The following SAMD5 variants were observed in gnomAD, a reference collection of about 807,000 sequenced individuals.
The protein encoded by SAMD5 is sterile alpha motif domain-containing protein 5.
Under a neutral mutation model 11.3 loss-of-function variants are expected in SAMD5, and 13 were observed. That is an observed-to-expected ratio of 1.15 (90% CI 0.75 to 1.83). The LOEUF (loss-of-function observed/expected upper bound fraction) is 1.83, where lower values mean the gene tolerates loss of function less well. Among genes scored for constraint, SAMD5 ranks in the 40% most tolerant of loss-of-function variants. The probability of loss-of-function intolerance (pLI) is 0.00; values close to 1 mark genes in which losing one functional copy is unlikely to be tolerated. For missense variants in SAMD5, 255 were observed against 239.1 expected, an observed-to-expected ratio of 1.07 and a Z score of -0.44; for synonymous variants, 129 against 111.3, an observed-to-expected ratio of 1.16 and a Z score of -1.00.
intron 1 of SAMD5, among the ~76,000 whole-genome samples, chr6:147,623,030 A>T (rs769506980): frequency 6.6e-6 from 1 of 152,198 alleles, no homozygotes; most frequent in Non-Finnish European, 1.5e-5. Context: ...CCCTCCCACA[A>T]CACATGGGAA....
At chr6:147,617,349 T>G (rs1309978108) in intron 1 of SAMD5, among the ~76,000 whole-genome samples, 2 of 152,202 alleles carry the variant, frequency 1.3e-5, no homozygotes, top group Admixed American at 1.3e-4. Context: ...CTGGCCTCCA[T>G]GCCCTTGGGC....
At chr6:147,793,655 A>G in the SAMD5 span, among the ~76,000 whole-genome samples, 7 of 152,174 alleles carry the variant, frequency 4.6e-5, no homozygotes, top group African/African-American at 1.4e-4. Context: ...ATTGGTACCT[A>G]TTTAGGCTGT....
chr6:147,703,926 T>C (rs946614380), intron 1 of SAMD5, among the ~76,000 whole-genome samples: 5 of 152,188 alleles, frequency 3.3e-5, no homozygotes, highest in Admixed American at 6.5e-5. Context: ...GACGGATTCT[T>C]GCTCTGACGC....
intron 1 of SAMD5, among the ~76,000 whole-genome samples, chr6:147,586,865 T>G: frequency 6.6e-6 from 1 of 152,196 alleles, no homozygotes; most frequent in Non-Finnish European, 1.5e-5. Context: ...TGATATGTTA[T>G]AAAATAAAAT....
At chr6:147,763,023 G>C in the SAMD5 span, among the ~76,000 whole-genome samples, 11 of 152,078 alleles carry the variant, frequency 7.2e-5, no homozygotes, top group African/African-American at 2.7e-4. Flanking sequence ...TTTAAAAAAA[G>C]CTTGAGAAAT....
chr6:147,703,278 G>T (rs1791280875), intron 1 of SAMD5, among the ~76,000 whole-genome samples: 1 of 152,056 alleles, frequency 6.6e-6, no homozygotes, highest in Non-Finnish European at 1.5e-5. Context: ...ATGTTGGTTG[G>T]CCAGGCTGGT....
the SAMD5 span, among the ~76,000 whole-genome samples, chr6:147,749,413 C>T: frequency 6.6e-6 from 1 of 152,128 alleles, no homozygotes; most frequent in African/African-American, 2.4e-5. Flanking sequence ...CGTGGTCCAC[C>T]CACCTTGGCC....
At chr6:147,670,478 A>G (rs1790779731) in intron 1 of SAMD5, among the ~76,000 whole-genome samples, 1 of 152,238 alleles carries the variant, frequency 6.6e-6, no homozygotes, top group Non-Finnish European at 1.5e-5. Context: ...CTTCCAATAG[A>G]AGGCTGCTTC....
intron 1 of SAMD5, among the ~76,000 whole-genome samples, chr6:147,577,805 T>G (rs1789237817): frequency 6.6e-6 from 1 of 151,654 alleles, no homozygotes; most frequent in Non-Finnish European, 1.5e-5. Flanking sequence ...CCAGGTTTTA[T>G]GTACTTTTGA....
chr6:147,653,242 T>C (rs545935650), intron 1 of SAMD5, among the ~76,000 whole-genome samples: 1 of 152,336 alleles, frequency 6.6e-6, no homozygotes, highest in South Asian at 2.1e-4. Flanking sequence ...TGGAGTTAAA[T>C]AGACTTGCTT....
the SAMD5 span, among the ~76,000 whole-genome samples, chr6:147,807,745 T>G: frequency 6.6e-6 from 1 of 152,190 alleles, no homozygotes; most frequent in African/African-American, 2.4e-5. Context: ...TTTAGAACCT[T>G]TCGTGTGTCT....
chr6:147,952,809 C>T, the SAMD5 span, among the ~76,000 whole-genome samples: 155 of 152,292 alleles, frequency 1.0e-3, no homozygotes, highest in African/African-American at 3.4e-3. Flanking sequence ...CCACCGCACC[C>T]GGCCCTTTTT....
chr6:147,772,086 C>T, the SAMD5 span, among the ~76,000 whole-genome samples: 1 of 152,148 alleles, frequency 6.6e-6, no homozygotes, highest in Admixed American at 6.5e-5. Context: ...CATAGTTCTC[C>T]TTTTCTTCTC....
chr6:147,856,393 T>C, the SAMD5 span, among the ~76,000 whole-genome samples: 1 of 152,184 alleles, frequency 6.6e-6, no homozygotes, highest in South Asian at 2.1e-4. Context: ...CATGGACATG[T>C]AAGTACATAT....
At chr6:147,685,530 T>C (rs1206558198) in intron 1 of SAMD5, among the ~76,000 whole-genome samples, 1 of 152,198 alleles carries the variant, frequency 6.6e-6, no homozygotes, top group Non-Finnish European at 1.5e-5. Flanking sequence ...ATCTTAATTC[T>C]TTTCATCACA....
At chr6:147,804,233 G>A in the SAMD5 span, among the ~76,000 whole-genome samples, 8 of 150,536 alleles carry the variant, frequency 5.3e-5, 1 homozygote, top group South Asian at 4.2e-4. Flanking sequence ...TCAGCCTCCC[G>A]AGTAGCTGGG....
the SAMD5 span, chr6:147,743,065 A>G: frequency 6.6e-6 from 1 of 152,176 alleles, no homozygotes; most frequent in Non-Finnish European, 1.5e-5. Context: ...TATTTTGACA[A>G]CCCATCAATT....
chr6:147,796,663 T>G, the SAMD5 span, among the ~76,000 whole-genome samples: 27 of 152,252 alleles, frequency 1.8e-4, no homozygotes, highest in African/African-American at 4.1e-4. Context: ...TGGGCAGTAT[T>G]GCCATTTTCA....
intron 1 of SAMD5, among the ~76,000 whole-genome samples, chr6:147,542,051 G>C (rs553036641): frequency 6.6e-6 from 1 of 152,142 alleles, no homozygotes; most frequent in Non-Finnish European, 1.5e-5. Context: ...CAGACACCCC[G>C]CAATGGGGCT....
Sources: allele counts gnomAD v4.1 joint callset (sites outside exome capture counted in the v4.1 genomes callset), GRCh38; gene constraint gnomAD v4.1.1; transcripts MANE v1.5; gene names NCBI Gene and HGNC (gene_info 2026-07-23, HGNC 2026-07-21).